Variants in SGCG observed in about 807,000 individuals in gnomAD.
SGCG encodes the protein sarcoglycan gamma, also known as gamma-sarcoglycan.
SGCG carries 26 observed loss-of-function variants against 29.3 expected under a neutral mutation model. The observed-to-expected ratio is 0.89, with a 90% CI of 0.65 to 1.23. The LOEUF is 1.23. SGCG is among the 50% of genes most tolerant of loss of function. SGCG has a pLI of 0.00. For synonymous variants in SGCG, 145 were observed against 129.7 expected (o/e 1.12, Z -0.80); for missense variants, 353 against 356.0 (o/e 0.99, Z 0.07).
intron 5 of SGCG, among the ~76,000 whole-genome samples, chr13:23,294,781 A>G (rs564494635): frequency 9.2e-5 from 14 of 152,256 alleles, no homozygotes; most frequent in African/African-American, 3.1e-4. Flanking sequence ...TCATGGGTAA[A>G]TAGGAAAATA....
At chr13:23,253,858 C>G (rs1442511152) in intron 4 of SGCG, among the ~76,000 whole-genome samples, 1 of 152,216 alleles carries the variant, frequency 6.6e-6, no homozygotes, top group East Asian at 1.9e-4. Context: ...TGGGACCTCT[C>G]TCTTCTCTCT....
At chr13:23,212,872 G>A (rs1878279295) in intron 2 of SGCG, among the ~76,000 whole-genome samples, 1 of 152,110 alleles carries the variant, frequency 6.6e-6, no homozygotes, top group Non-Finnish European at 1.5e-5. Flanking sequence ...TACACTCAGG[G>A]AATACAGCAT....
intron 6 of SGCG, among the ~76,000 whole-genome samples, chr13:23,312,486 T>TGTCATTGA (rs1882639487): frequency 6.6e-6 from 1 of 152,252 alleles, no homozygotes; most frequent in East Asian, 1.9e-4. Context: ...GACATTTTAA[T>TGTCATTGA]AACTGTACTT....
chr13:23,223,001 G>T (rs1362524220), intron 2 of SGCG, among the ~76,000 whole-genome samples: 1 of 151,860 alleles, frequency 6.6e-6, no homozygotes, highest in Non-Finnish European at 1.5e-5. Context: ...CAAATAGGCT[G>T]GGCACAGTGG....
At chr13:23,291,223 A>G (rs752831748) in intron 5 of SGCG, among the ~76,000 whole-genome samples, 22 of 152,222 alleles carry the variant, frequency 1.4e-4, no homozygotes, top group Non-Finnish European at 2.6e-4. Context: ...TCCTATATAA[A>G]TAATGCATAT....
chr13:23,225,693 GCTC>G (rs1878865839), intron 2 of SGCG, among the ~76,000 whole-genome samples: 1 of 151,732 alleles, frequency 6.6e-6, no homozygotes, highest in South Asian at 2.1e-4. Flanking sequence ...AGGAGCTCTT[GCTC>G]CTTTTAGTGG....
At chr13:23,218,981 T>C (rs947016329) in intron 2 of SGCG, among the ~76,000 whole-genome samples, 1 of 148,586 alleles carries the variant, frequency 6.7e-6, no homozygotes, top group Admixed American at 6.7e-5. Context: ...GAATTCTCAA[T>C]ACCAAAAAGC....
At chr13:23,315,667 G>A (rs1454178359) in intron 6 of SGCG, among the ~76,000 whole-genome samples, 1 of 152,232 alleles carries the variant, frequency 6.6e-6, no homozygotes, top group Non-Finnish European at 1.5e-5. Flanking sequence ...AGAACTTTGA[G>A]TAGTGCACCT....
At chr13:23,228,215 T>C (rs1177500807) in intron 2 of SGCG, among the ~76,000 whole-genome samples, 1 of 152,228 alleles carries the variant, frequency 6.6e-6, no homozygotes, top group Non-Finnish European at 1.5e-5. Flanking sequence ...GTGAACTTTA[T>C]TTCATGAAAT....
At chr13:23,227,051 A>G (rs1878926439) in intron 2 of SGCG, among the ~76,000 whole-genome samples, 1 of 152,140 alleles carries the variant, frequency 6.6e-6, no homozygotes, top group Non-Finnish European at 1.5e-5. Context: ...ATGTAGAAAA[A>G]GAAAATGGAG....
intron 2 of SGCG, among the ~76,000 whole-genome samples, chr13:23,220,098 C>T (rs1463858616): frequency 2.0e-5 from 3 of 151,946 alleles, no homozygotes; most frequent in Non-Finnish European, 2.9e-5. Flanking sequence ...ACCTCGGCCT[C>T]CCAAAGTGCT....
intron 6 of SGCG, among the ~76,000 whole-genome samples, chr13:23,295,971 C>T (rs1881891136): frequency 6.6e-6 from 1 of 151,944 alleles, no homozygotes; most frequent in Admixed American, 6.6e-5. Context: ...TGCTTTTGCA[C>T]TGACTGTTGC....
intron 3 of SGCG, chr13:23,245,159 T>C (rs1325016175): frequency 6.6e-6 from 1 of 152,200 alleles, no homozygotes; most frequent in Non-Finnish European, 1.5e-5. Flanking sequence ...ATTTGGAGCG[T>C]TTGGGGTTCC....
chr13:23,266,744 C>G (rs1053304729), intron 4 of SGCG, among the ~76,000 whole-genome samples: 21 of 152,094 alleles, frequency 1.4e-4, no homozygotes, highest in African/African-American at 4.3e-4. Context: ...CTTCTCTCTT[C>G]TCTCTCTCTT....
In SGCG at chr13:23,242,262, A is replaced by C. The variant is rs544643869; in HGVS notation, c.297+7550A>C. Among the ~76,000 whole-genome samples, 4 of 152,278 alleles carry C rather than the reference A, an allele frequency of 2.6e-5. No individual in the cohort carries two copies. The East Asian group carries it at 7.7e-4, about 29-fold the overall frequency. On this transcript the variant is annotated intron_variant, in intron 3 of 7. Transcript: ENST00000218867. ...CATTCCCATATTAGGTTCAAGTTGG[A>C]AGTAGTTAATTATGTATATAAATGA... is the stretch of plus-strand genomic sequence containing the variant.
At chr13:23,178,912 T>A (rs374634004), upstream of SGCG, among the ~76,000 whole-genome samples, 13 of 152,172 alleles carry the variant, frequency 8.5e-5, no homozygotes, top group South Asian at 1.7e-3. Flanking sequence ...CAGCGCTAAC[T>A]GATGACTGCA....
In SGCG at chr13:23,324,921, A is replaced by G; in HGVS notation, c.*380A>G. On this transcript the variant is annotated 3_prime_UTR_variant, in exon 8 of 8. Coordinates refer to ENST00000218867, the MANE Select transcript of SGCG (RefSeq NM_000231.3). ...ACTGTGGATATCTAATGCCCTGTTG[A>G]GAGTAGCCTTGCTCAGTACTAAAAT... 1 of 344,938 alleles carries G rather than the reference A, an allele frequency of 2.9e-6. No individual in the cohort carries two copies. The highest frequency in any genetic ancestry group is 5.7e-6 in the Non-Finnish European group (1 of 175,486). The allele number at this position is 344,938 out of a possible 1,614,324, so 21.4% of individuals were successfully genotyped here.
intron 4 of SGCG, among the ~76,000 whole-genome samples, chr13:23,273,216 G>A (rs150165464): frequency 2.0e-5 from 3 of 146,618 alleles, no homozygotes; most frequent in Admixed American, 6.9e-5. Context: ...CAGAATTTTC[G>A]CTGTGTTGCC....
intron 4 of SGCG, among the ~76,000 whole-genome samples, chr13:23,254,029 C>T (rs1880083804): frequency 6.6e-6 from 1 of 152,208 alleles, no homozygotes; most frequent in Non-Finnish European, 1.5e-5. Context: ...AATTACCCAT[C>T]CTCAGTTATT....
Sources: gnomAD v4.1 joint callset for allele counts (sites outside exome capture counted in the v4.1 genomes callset) on GRCh38, gnomAD v4.1.1 for gene constraint, MANE v1.5 for transcripts, NCBI Gene and HGNC (gene_info 2026-07-23, HGNC 2026-07-21) for gene names.